DDX4: variants seen among roughly 807,000 people sequenced by gnomAD.
DDX4 encodes the protein DEAD-box helicase 4.
In DDX4, 25 loss-of-function variants were observed where a neutral mutation model predicts 100.0. The observed-to-expected ratio is 0.25, with a 90% CI of 0.18 to 0.35. DDX4 has a LOEUF of 0.35. Among genes scored for constraint, DDX4 ranks in the 10% least tolerant of loss-of-function variants. DDX4 has a pLI of 1.00. For synonymous variants in DDX4, 259 were observed against 275.7 expected (o/e 0.94, Z 0.60); for missense variants, 635 against 882.4 (o/e 0.72, Z 3.55).
intron 18 of DDX4, among the ~76,000 whole-genome samples, chr5:55,806,775 G>A (rs1293062357): frequency 1.3e-5 from 2 of 152,230 alleles, no homozygotes; most frequent in African/African-American, 4.8e-5. Flanking sequence ...TAAGTGCGGT[G>A]TGGTGCTGAG....
At chr5:55,766,438 G>GTTTTTT (rs1054625390) in intron 6 of DDX4, among the ~76,000 whole-genome samples, 1 of 117,168 alleles carries the variant, frequency 8.5e-6, no homozygotes, top group African/African-American at 3.1e-5. Flanking sequence ...TAGTAGTTTT[G>GTTTTTT]TTTTTTTTTT....
At chr5:55,786,768 G>A in intron 14 of DDX4, 98 bp downstream of exon 14, 1 of 895,904 alleles carries the variant, frequency 1.1e-6, no homozygotes, top group Non-Finnish European at 1.8e-6. Context: ...GTTTGTAGAT[G>A]GTTTCAGTTA....
intron 3 of DDX4, among the ~76,000 whole-genome samples, chr5:55,751,079 T>C (rs1759521905): frequency 1.3e-5 from 2 of 152,176 alleles, no homozygotes; most frequent in Non-Finnish European, 1.5e-5. Flanking sequence ...TTTGTCTAAA[T>C]ATTTCAAAAA....
chr5:55,770,869 T>C (rs1489542227), intron 7 of DDX4, among the ~76,000 whole-genome samples: 2 of 152,196 alleles, frequency 1.3e-5, no homozygotes, highest in Non-Finnish European at 2.9e-5. Context: ...ATAGCTCATA[T>C]TTGAAATTTT....
At chr5:55,775,621 T>C (rs1741512267) in intron 7 of DDX4, among the ~76,000 whole-genome samples, 1 of 152,220 alleles carries the variant, frequency 6.6e-6, no homozygotes, top group South Asian at 2.1e-4. Flanking sequence ...TTCATTAGTA[T>C]GTAGAAATAT....
At chr5:55,759,088 GC>G (rs1760130513) in intron 3 of DDX4, among the ~76,000 whole-genome samples, 1 of 151,530 alleles carries the variant, frequency 6.6e-6, no homozygotes, top group African/African-American at 2.4e-5. Flanking sequence ...ATACTGTCTT[GC>G]TATGTTGCCC....
chr5:55,767,367 G>A (rs370301464), intron 6 of DDX4, among the ~76,000 whole-genome samples: 13 of 152,196 alleles, frequency 8.5e-5, no homozygotes, highest in South Asian at 4.1e-4. Context: ...GCTTGAACCC[G>A]GGAGGCGGAG....
At chr5:55,753,532 T>A (rs1759713734) in intron 3 of DDX4, among the ~76,000 whole-genome samples, 1 of 152,172 alleles carries the variant, frequency 6.6e-6, no homozygotes, top group Non-Finnish European at 1.5e-5. Flanking sequence ...TTGGTCTATA[T>A]CTCTGTTTTG....
intron 3 of DDX4, among the ~76,000 whole-genome samples, chr5:55,753,990 T>TA (rs1307363361): frequency 2.0e-5 from 2 of 102,050 alleles, no homozygotes; most frequent in Non-Finnish European, 4.0e-5. Context: ...TGTTGGTGTA[T>TA]AAGAATGCTT....
intron 6 of DDX4, chr5:55,766,797 A>T (rs1740951020): frequency 2.0e-6 from 2 of 989,496 alleles, no homozygotes; most frequent in African/African-American, 3.3e-5. Flanking sequence ...ATGTACAAAG[A>T]TCCCTTGAAA....
chr5:55,765,111 G>GA (rs1483437693), intron 6 of DDX4, among the ~76,000 whole-genome samples: 2 of 151,756 alleles, frequency 1.3e-5, no homozygotes, highest in Non-Finnish European at 2.9e-5. Context: ...AAACATATAT[G>GA]ATGTAGAACT....
chr5:55,756,938 A>G (rs1759974723), intron 3 of DDX4, among the ~76,000 whole-genome samples: 1 of 152,282 alleles, frequency 6.6e-6, no homozygotes, highest in Admixed American at 6.5e-5. Context: ...ATATCATTAC[A>G]TTCATGAAAG....
rs1207047118 is a variant in DDX4 at position 55,786,734 on chromosome 5, T to A, written c.1017+64T>A. ...TGAGCTTTGGTTCTTCCTTAGTAACTTGGTTTCTTCTTTTGAGTAGAAGGT... is the reference window on the plus strand; with the variant it reads ...TGAGCTTTGGTTCTTCCTTAGTAACATGGTTTCTTCTTTTGAGTAGAAGGT... On this transcript the variant is annotated intron_variant, in intron 14 of 21. Coordinates refer to ENST00000505374, the MANE Select transcript of DDX4 (RefSeq NM_024415.3). 4.4e-6 allele frequency: 6 copies of A among 1,370,004 alleles called. No homozygotes were observed. In the East Asian group the frequency reaches 1.1e-4, roughly 26 times the overall value. The allele number at this position is 1,370,004 out of a possible 1,614,324, so 84.9% of individuals were successfully genotyped here. A position where few individuals can be genotyped will look rare whatever the true frequency, so the allele number is the denominator to read the frequency against.
intron 5 of DDX4, 36 bp from the exon 6 acceptor site, chr5:55,763,978 G>C: frequency 1.4e-6 from 2 of 1,463,732 alleles, no homozygotes; most frequent in East Asian, 2.3e-5. Context: ...TTACCACAGA[G>C]GTACAGGAAA....
At chr5:55,785,602 C>A in intron 12 of DDX4, 108 bp downstream of exon 12, 1 of 1,291,760 alleles carries the variant, frequency 7.7e-7, no homozygotes, top group South Asian at 1.4e-5. Flanking sequence ...ACAGTGAAAA[C>A]TTTAAAGGTA....
intron 1 of DDX4, 162 bp downstream of exon 1, chr5:55,738,263 T>C (rs1202765382): frequency 6.6e-6 from 1 of 152,358 alleles, no homozygotes; most frequent in Non-Finnish European, 1.5e-5. Flanking sequence ...GTGCCCAAAG[T>C]CTGGGCTTGA....
intron 7 of DDX4, among the ~76,000 whole-genome samples, chr5:55,769,416 A>G (rs1012612895): frequency 1.3e-5 from 2 of 152,160 alleles, no homozygotes; most frequent in African/African-American, 2.4e-5. Flanking sequence ...GGCAAAAATC[A>G]GATGGTTGTA....
At chr5:55,791,339 G>A (rs952540712) in intron 16 of DDX4, among the ~76,000 whole-genome samples, 6 of 151,950 alleles carry the variant, frequency 3.9e-5, no homozygotes, top group African/African-American at 1.2e-4. Context: ...TCATCCCTCT[G>A]GGTTACTCAA....
intron 17 of DDX4, among the ~76,000 whole-genome samples, 168 bp from the exon 18 acceptor site, chr5:55,798,258 A>C (rs545371828): frequency 8.2e-4 from 125 of 152,306 alleles, no homozygotes; most frequent in African/African-American, 2.9e-3. Context: ...AATATTTTAT[A>C]CTGATCTTTC....
Sources: gnomAD v4.1 joint callset for allele counts (sites outside exome capture counted in the v4.1 genomes callset) on GRCh38, gnomAD v4.1.1 for gene constraint, MANE v1.5 for transcripts, NCBI Gene and HGNC (gene_info 2026-07-23, HGNC 2026-07-21) for gene names.